CDH6: variants seen among roughly 807,000 people sequenced by gnomAD.
CDH6 encodes the protein cadherin 6, also known as cadherin-6.
Under a neutral mutation model 78.0 loss-of-function variants are expected in CDH6, and 31 were observed. The observed-to-expected ratio is 0.40, with a 90% CI of 0.30 to 0.54. CDH6 has a LOEUF of 0.54. Among genes scored for constraint, CDH6 ranks in the 20% least tolerant of loss-of-function variants. The pLI is 0.56. For missense variants in CDH6, 724 were observed against 975.9 expected, an observed-to-expected ratio of 0.74 and a Z score of 3.44; for synonymous variants, 376 against 368.8, an observed-to-expected ratio of 1.02 and a Z score of -0.23.
Position 31,294,079 on chromosome 5 carries a change from C to T in CDH6, c.346C>T (p.Leu116=). The change falls in exon 3 of 12, where the codon CTG becomes TTG. Residue 116 remains leucine (L), a synonymous_variant. Transcript: ENST00000265071. The surrounding 1 kb of genome is among the most constrained non-coding windows in gnomAD (Gnocchi z 4.1). ...NTGDIQATKR[L]DREEKPVYIL... ...AGGCGACATACAGGCCACCAAGAGG[C>T]TGGACAGGGAAGAAAAACCCGTTTA... is the stretch of plus-strand genomic sequence containing the variant. 6.2e-7 allele frequency: 1 copy of T among 1,613,884 alleles called. No homozygotes were observed.
chr5:31,199,416 A>G (rs947004997), intron 1 of CDH6, among the ~76,000 whole-genome samples: 3 of 145,094 alleles, frequency 2.1e-5, no homozygotes, highest in South Asian at 2.2e-4. Context: ...TACATGGTGT[A>G]TATATGTACA....
At chr5:31,252,926 T>G (rs1741947752) in intron 1 of CDH6, among the ~76,000 whole-genome samples, 2 of 152,350 alleles carry the variant, frequency 1.3e-5, no homozygotes, top group South Asian at 4.1e-4. Flanking sequence ...TTCCTGATAA[T>G]GTAGCAATGT....
chr5:31,257,374 G>A (rs1426040992), intron 1 of CDH6, among the ~76,000 whole-genome samples: 4 of 151,642 alleles, frequency 2.6e-5, no homozygotes, highest in African/African-American at 4.9e-5. Context: ...CGTGTTAGCC[G>A]GGATGGTCCC....
intron 1 of CDH6, among the ~76,000 whole-genome samples, chr5:31,240,645 C>A (rs1054368658): frequency 1.3e-5 from 2 of 152,154 alleles, no homozygotes; most frequent in African/African-American, 2.4e-5. Flanking sequence ...AGAAACACAG[C>A]AATTTTTATT....
chr5:31,302,863 G>C (rs1232626106), intron 6 of CDH6, among the ~76,000 whole-genome samples: 2 of 122,066 alleles, frequency 1.6e-5, no homozygotes, highest in Non-Finnish European at 3.5e-5. Context: ...AGAAAGAAAG[G>C]AAGAAAGGAG....
At chr5:31,282,325 G>C (rs1742884292) in intron 2 of CDH6, among the ~76,000 whole-genome samples, 1 of 151,934 alleles carries the variant, frequency 6.6e-6, no homozygotes, top group Admixed American at 6.6e-5. Context: ...TGCATTCTTT[G>C]GCTTCTCAGC....
intron 6 of CDH6, among the ~76,000 whole-genome samples, chr5:31,302,633 A>C (rs571625112): frequency 7.4e-5 from 11 of 148,716 alleles, no homozygotes; most frequent in Non-Finnish European, 1.2e-4. Flanking sequence ...GGATCGCTTG[A>C]GCCTGGGCAG....
At chr5:31,299,681 C>A (rs749485405) in intron 5 of CDH6, 50 bp downstream of exon 5, 2 of 1,494,956 alleles carry the variant, frequency 1.3e-6, no homozygotes, top group Admixed American at 1.7e-5. Context: ...TTATAAAACT[C>A]GAACTTTAAG....
At chr5:31,286,584 A>G (rs1240810653) in intron 2 of CDH6, among the ~76,000 whole-genome samples, 1 of 152,194 alleles carries the variant, frequency 6.6e-6, no homozygotes, top group Non-Finnish European at 1.5e-5. Context: ...ATGAAGCCAA[A>G]GAGAGGAGGA....
intron 6 of CDH6, among the ~76,000 whole-genome samples, chr5:31,304,173 A>G (rs2909564): frequency 0.011 from 1,638 of 149,442 alleles, 25 homozygotes; most frequent in African/African-American, 0.038. Context: ...CATGCAAAAA[A>G]CAACAACAAC....
intron 8 of CDH6, among the ~76,000 whole-genome samples, chr5:31,314,176 T>C (rs929246910): frequency 3.9e-5 from 6 of 152,036 alleles, no homozygotes; most frequent in Admixed American, 3.9e-4. Flanking sequence ...TATACTTAAG[T>C]TCTAGGGTAC....
intron 1 of CDH6, 135 bp from the exon 2 acceptor site, chr5:31,267,211 G>C (rs1040705742): frequency 2.2e-6 from 1 of 456,778 alleles, no homozygotes; most frequent in Admixed American, 3.5e-5. Context: ...CGTCTCCTTC[G>C]TTTCAAAATT....
At chr5:31,304,598 T>C (rs2149953542) in intron 6 of CDH6, among the ~76,000 whole-genome samples, 1 of 143,542 alleles carries the variant, frequency 7.0e-6, no homozygotes, top group African/African-American at 2.6e-5. Context: ...GGCAGGAGAA[T>C]CACTTGAATC....
intron 2 of CDH6, among the ~76,000 whole-genome samples, chr5:31,289,076 C>T (rs1743086625): frequency 6.6e-6 from 1 of 152,114 alleles, no homozygotes; most frequent in African/African-American, 2.4e-5. Flanking sequence ...CCTATCACCC[C>T]AGTATTGGAC....
intron 2 of CDH6, among the ~76,000 whole-genome samples, chr5:31,288,274 G>A (rs1005953684): frequency 2.0e-5 from 3 of 152,150 alleles, no homozygotes; most frequent in Non-Finnish European, 2.9e-5. Context: ...TTTCTAATTG[G>A]TAAAATAATC....
chr5:31,326,773 G>GC lies in CDH6; in HGVS notation c.*3466dup, dbSNP rs1257497754. On this transcript the variant is annotated 3_prime_UTR_variant, in exon 12 of 12. Transcript: ENST00000265071. Reference sequence around the variant, plus strand: ...GTGGCGCGATCTCTGCTCACTACAAGCTCCGCCTCCCGGGTTCACGCCATT... The same window carrying GC: ...GTGGCGCGATCTCTGCTCACTACAAGCCTCCGCCTCCCGGGTTCACGCCATT... 7.3e-6 allele frequency: 1 copy of GC among 136,596 alleles called. No individual in the cohort carries two copies. Among genetic ancestry groups the GC allele is most frequent in the East Asian group, 1.9e-4 (1 of 5,262 alleles). The allele number at this position is 136,596 out of a possible 1,614,324, so 8.5% of individuals were successfully genotyped here.
intron 1 of CDH6, among the ~76,000 whole-genome samples, chr5:31,200,354 C>A (rs1341055805): frequency 1.3e-5 from 2 of 151,978 alleles, no homozygotes; most frequent in African/African-American, 4.8e-5. Context: ...TCACAGCACC[C>A]ACTAAGGGCA....
chr5:31,305,798 T>C (rs536724003), intron 7 of CDH6, among the ~76,000 whole-genome samples: 2 of 152,254 alleles, frequency 1.3e-5, no homozygotes, highest in Non-Finnish European at 2.9e-5. Context: ...AAATTCTATG[T>C]AAATAGTTAT....
chr5:31,290,646 T>G (rs1384077436), intron 2 of CDH6, among the ~76,000 whole-genome samples: 1 of 152,160 alleles, frequency 6.6e-6, no homozygotes, highest in Non-Finnish European at 1.5e-5. Flanking sequence ...TCACAGGCAC[T>G]GATGTCTTAT....
Sources: allele counts gnomAD v4.1 joint callset (sites outside exome capture counted in the v4.1 genomes callset), GRCh38; gene constraint gnomAD v4.1.1; non-coding constraint Gnocchi (gnomAD v3.1); transcripts MANE v1.5; gene names NCBI Gene and HGNC (gene_info 2026-07-23, HGNC 2026-07-21).